Variants in DIMT1 observed in about 807,000 individuals in gnomAD.
The protein encoded by DIMT1 is dimethyladenosine transferase.
Under a neutral mutation model 43.2 loss-of-function variants are expected in DIMT1, and 36 were observed. The ratio of observed to expected loss-of-function variants is 0.83; its 90% CI spans 0.64 to 1.10. The LOEUF (loss-of-function observed/expected upper bound fraction) is 1.10. Among genes scored for constraint, DIMT1 ranks in the 50% least tolerant of loss-of-function variants. The pLI, the probability that DIMT1 is intolerant of heterozygous loss-of-function variation, is 0.00. For synonymous variants in DIMT1, 126 were observed against 130.3 expected (o/e 0.97, Z 0.22); for missense variants, 341 against 385.3 (o/e 0.88, Z 0.96).
At chr5:62,394,634 GA>G (rs1742416790) in intron 6 of DIMT1, 27 bp from the exon 7 acceptor site, 1 of 1,611,022 alleles carries the variant, frequency 6.2e-7, no homozygotes, top group South Asian at 1.1e-5. Flanking sequence ...AAGGAATAAG[GA>G]AAATGGTCAT....
chr5:62,391,726 G>C, intron 10 of DIMT1: 1 of 1,317,446 alleles, frequency 7.6e-7, no homozygotes. Flanking sequence ...ATCTGCTATT[G>C]AGCCATATGA....
At chr5:62,398,346 A>G in intron 6 of DIMT1, 165 bp downstream of exon 6, 1 of 678,240 alleles carries the variant, frequency 1.5e-6, no homozygotes, top group South Asian at 2.0e-5. Context: ...ACTACCCCCA[A>G]ATAACCTCTC....
In DIMT1 at chr5:62,389,072, T is replaced by C. The variant is rs1280829762; in HGVS notation, c.900-20A>G. ...AGCAATCTGAAAAAAGAAATCAAAA[T>C]GGAATGGTACTGAAAAGCTAATTTG... On this transcript the variant is annotated intron_variant, in intron 11 of 11. Transcript: ENST00000199320. 6.2e-7 allele frequency: 1 copy of C among 1,608,604 alleles called. No individual in the cohort carries two copies. Among genetic ancestry groups the C allele is most frequent in the Non-Finnish European group, 8.5e-7 (1 of 1,176,806 alleles).
intron 3 of DIMT1, among the ~76,000 whole-genome samples, chr5:62,400,132 T>C (rs918156506): frequency 6.6e-6 from 1 of 152,230 alleles, no homozygotes; most frequent in African/African-American, 2.4e-5. Context: ...TCTACTGAGA[T>C]ACACAATACA....
chr5:62,403,646 C>T (rs775097446), intron 1 of DIMT1, 48 bp downstream of exon 1: 5 of 1,568,062 alleles, frequency 3.2e-6, no homozygotes, highest in Non-Finnish European at 3.5e-6. Context: ...TAGGTCCTGC[C>T]GGAAGACCTG....
At position 62,398,242 on chromosome 5, in the gene DIMT1, C is replaced by T. The variant is rs373916004; in HGVS notation, c.446+269G>A. Among the ~76,000 whole-genome samples the T allele has an allele frequency of 5.3e-5, 8 of 152,240 alleles. No individual in the cohort carries two copies. In the East Asian group the frequency reaches 7.7e-4, roughly 15 times the overall value. On this transcript the variant is annotated intron_variant, in intron 6 of 11. Transcript: ENST00000199320. ...TAGGAAACCACTGCAATTGTCTAGA[C>T]ATAAGGTAATAAAAATTCTAACCTA...
chr5:62,403,078 C>T (rs1295003507), intron 2 of DIMT1, among the ~76,000 whole-genome samples, 195 bp downstream of exon 2: 1 of 152,132 alleles, frequency 6.6e-6, no homozygotes, highest in Non-Finnish European at 1.5e-5. Flanking sequence ...AATTGGGAAC[C>T]AGGAGAAACT....
At chr5:62,390,593 G>GGGA (rs1183894797) in intron 11 of DIMT1, among the ~76,000 whole-genome samples, 2 of 152,300 alleles carry the variant, frequency 1.3e-5, no homozygotes, top group East Asian at 1.9e-4. Flanking sequence ...GGAGCAGGAA[G>GGGA]GGAGGAACCT....
rs1356411196 is a variant in DIMT1 at position 62,394,535 on chromosome 5, G to T, written c.519C>A (p.Cys173Ter). 6.2e-7 allele frequency: 1 copy of T among 1,614,208 alleles called. No homozygotes were observed. The highest frequency in any genetic ancestry group is 8.5e-7 in the Non-Finnish European group (1 of 1,180,032). The change falls in exon 7 of 12, where the codon TGC (cysteine) becomes TGA (stop). Residue 173 changes from cysteine (C) to a stop codon, truncating the protein, a stop_gained. Transcript: ENST00000199320. LOFTEE classifies it high-confidence loss of function. ...LVAKPGDKLY[C>*]RLSINTQLLA... ...ACAGCTGTGTATTAATTGAGAGTCTGCAGTATAACTTATCTCCAGGTTTTG... is the reference window on the plus strand; with the variant it reads ...ACAGCTGTGTATTAATTGAGAGTCTTCAGTATAACTTATCTCCAGGTTTTG...
At chr5:62,398,398 AC>A in intron 6 of DIMT1, 112 bp downstream of exon 6, 1 of 1,019,522 alleles carries the variant, frequency 9.8e-7, no homozygotes, top group South Asian at 1.4e-5. Flanking sequence ...AACATTTTCT[AC>A]AAAAATTCTT....
intron 4 of DIMT1, 34 bp downstream of exon 4, chr5:62,398,786 T>C: frequency 6.2e-7 from 1 of 1,613,922 alleles, no homozygotes; most frequent in Non-Finnish European, 8.5e-7. Context: ...TTCATGAGAT[T>C]GAAATGCACT....
At chr5:62,395,764 G>A (rs1742465210) in intron 6 of DIMT1, among the ~76,000 whole-genome samples, 1 of 152,136 alleles carries the variant, frequency 6.6e-6, no homozygotes, top group South Asian at 2.1e-4. Context: ...AGCACTTTAG[G>A]AGGCCAAGGC....
At chr5:62,402,503 C>A (rs1742742701) in intron 2 of DIMT1, among the ~76,000 whole-genome samples, 1 of 152,156 alleles carries the variant, frequency 6.6e-6, no homozygotes, top group Non-Finnish European at 1.5e-5. Context: ...CAATTTTCAA[C>A]CCATGTATGG....
At chr5:62,402,402 T>C (rs1269908731) in intron 2 of DIMT1, among the ~76,000 whole-genome samples, 1 of 152,254 alleles carries the variant, frequency 6.6e-6, no homozygotes, top group African/African-American at 2.4e-5. Flanking sequence ...GCTTTCTATC[T>C]GGAAATATTC....
Position 62,403,660 on chromosome 5 carries a change from C to A in DIMT1, c.79+34G>T, listed in dbSNP as rs111856068. On this transcript the variant is annotated intron_variant, in intron 1 of 11. Transcript: ENST00000199320. ...CTAGGTCCTGCCGGAAGACCTGACCCGACCGACCCCAGCTTCCTCGCGGGG... is the reference window on the plus strand; with the variant it reads ...CTAGGTCCTGCCGGAAGACCTGACCAGACCGACCCCAGCTTCCTCGCGGGG... 16 of 1,587,142 alleles carry A rather than the reference C, an allele frequency of 1.0e-5. No individual in the cohort carries two copies. In the African/African-American group the frequency reaches 1.6e-4, roughly 16 times the overall value.
intron 6 of DIMT1, among the ~76,000 whole-genome samples, chr5:62,395,353 C>A (rs1258632303): frequency 6.6e-6 from 1 of 152,078 alleles, no homozygotes; most frequent in Non-Finnish European, 1.5e-5. Flanking sequence ...ATTCAGCAGG[C>A]AATGGGGAAG....
intron 6 of DIMT1, among the ~76,000 whole-genome samples, chr5:62,397,767 G>A (rs966038080): frequency 2.0e-5 from 3 of 151,980 alleles, no homozygotes; most frequent in Non-Finnish European, 4.4e-5. Flanking sequence ...TCCTGCCTCA[G>A]CCTCCCGAGT....
At chr5:62,403,666 A>AC in intron 1 of DIMT1, 28 bp downstream of exon 1, 1 of 1,594,612 alleles carries the variant, frequency 6.3e-7, no homozygotes, top group South Asian at 1.1e-5. Flanking sequence ...GACCCGACCG[A>AC]CCCCAGCTTC....
intron 3 of DIMT1, among the ~76,000 whole-genome samples, chr5:62,400,022 A>G (rs1742644512): frequency 6.6e-6 from 1 of 152,194 alleles, no homozygotes; most frequent in Non-Finnish European, 1.5e-5. Context: ...CATGCTTTGT[A>G]ATTCAACAGA....
Sources: gnomAD v4.1 joint callset for allele counts (sites outside exome capture counted in the v4.1 genomes callset) on GRCh38, gnomAD v4.1.1 for gene constraint, MANE v1.5 for transcripts, NCBI Gene and HGNC (gene_info 2026-07-23, HGNC 2026-07-21) for gene names.